Variants in CWC27 observed in about 807,000 individuals in gnomAD.
CWC27 encodes spliceosome-associated protein CWC27 homolog.
Under a neutral mutation model 63.6 loss-of-function variants are expected in CWC27, and 47 were observed. That is an observed-to-expected ratio of 0.74 (90% CI 0.58 to 0.94). CWC27 has a LOEUF of 0.94. CWC27 is among the 40% of genes least tolerant of loss of function. The pLI is 0.00. For missense variants in CWC27, 495 were observed against 554.3 expected (o/e 0.89, Z 1.07); for synonymous variants, 175 against 179.8 (o/e 0.97, Z 0.22).
intron 10 of CWC27, among the ~76,000 whole-genome samples, chr5:64,810,818 T>TAAAA (rs1306008270): frequency 6.6e-6 from 1 of 152,126 alleles, no homozygotes; most frequent in Non-Finnish European, 1.5e-5. Context: ...GATGATATTT[T>TAAAA]GTAGGGTTAC....
chr5:64,885,931 AG>A (rs931284677), intron 11 of CWC27, among the ~76,000 whole-genome samples: 10 of 152,168 alleles, frequency 6.6e-5, no homozygotes, highest in African/African-American at 2.4e-4. Flanking sequence ...AAAGTGCACA[AG>A]GGTGGAATGT....
intron 11 of CWC27, among the ~76,000 whole-genome samples, chr5:64,954,819 G>A (rs1748776604): frequency 6.6e-6 from 1 of 151,718 alleles, no homozygotes; most frequent in Non-Finnish European, 1.5e-5. Context: ...ATAGGTAGAA[G>A]ATAGGAGTAG....
At chr5:64,981,208 A>C (rs1183900735) in intron 13 of CWC27, among the ~76,000 whole-genome samples, 3 of 152,258 alleles carry the variant, frequency 2.0e-5, no homozygotes, top group Non-Finnish European at 4.4e-5. Flanking sequence ...TAATTTATAC[A>C]TATCAATTTA....
chr5:64,931,560 A>G (rs1561160946), intron 11 of CWC27, among the ~76,000 whole-genome samples: 1 of 151,668 alleles, frequency 6.6e-6, no homozygotes. Flanking sequence ...ACTAATCTTA[A>G]TTTTTTTTAC....
At chr5:64,903,792 G>T (rs192862411) in intron 11 of CWC27, among the ~76,000 whole-genome samples, 1 of 152,098 alleles carries the variant, frequency 6.6e-6, no homozygotes, top group Non-Finnish European at 1.5e-5. Flanking sequence ...CCTTTCTGAC[G>T]CCCCTCACAG....
intron 2 of CWC27, among the ~76,000 whole-genome samples, chr5:64,777,311 A>C (rs950029275): frequency 1.5e-4 from 23 of 152,130 alleles, no homozygotes; most frequent in Non-Finnish European, 2.8e-4. Context: ...TAAATATGCT[A>C]TAAGTTAAAA....
intron 11 of CWC27, among the ~76,000 whole-genome samples, chr5:64,891,091 G>A (rs149008772): frequency 3.0e-4 from 45 of 152,274 alleles, no homozygotes; most frequent in African/African-American, 1.0e-3. Context: ...TACTCTGAAT[G>A]TGTATATCTT....
At chr5:64,988,130 T>G (rs1253747174) in intron 13 of CWC27, among the ~76,000 whole-genome samples, 1 of 152,202 alleles carries the variant, frequency 6.6e-6, no homozygotes, top group Non-Finnish European at 1.5e-5. Context: ...TTTTAAATTT[T>G]GATTATTGTA....
At chr5:65,009,114 G>A (rs1220633289) in intron 13 of CWC27, among the ~76,000 whole-genome samples, 1 of 152,184 alleles carries the variant, frequency 6.6e-6, no homozygotes, top group Non-Finnish European at 1.5e-5. Context: ...ATGGTAGAAG[G>A]CAAAGGGGAG....
At chr5:64,937,195 T>A (rs564498291) in intron 11 of CWC27, among the ~76,000 whole-genome samples, 1 of 152,318 alleles carries the variant, frequency 6.6e-6, no homozygotes, top group Non-Finnish European at 1.5e-5. Flanking sequence ...TGTTATGGTG[T>A]CGATTTTAGA....
At position 64,786,969 on chromosome 5, in the gene CWC27, T is replaced by C. The variant is rs187233313; in HGVS notation, c.599+342T>C. On this transcript the variant is annotated intron_variant, in intron 6 of 13. Transcript: ENST00000381070. ...GGGAGGCCTCAGGAAGCTTCAATCG[T>C]GGAGGAAGGCGAAGCAGTCACCTTC... 3.4e-3 allele frequency among the ~76,000 whole-genome samples: 521 copies of C among 152,230 alleles called. 1 individual carries two copies. Among genetic ancestry groups the C allele is most frequent in the Admixed American group, 4.1e-3 (63 of 15,274 alleles).
intron 13 of CWC27, among the ~76,000 whole-genome samples, chr5:64,992,936 A>G (rs1580769742): frequency 6.6e-6 from 1 of 152,188 alleles, no homozygotes; most frequent in East Asian, 1.9e-4. Context: ...AGAGTTCTGA[A>G]ACCAAAACCT....
intron 2 of CWC27, among the ~76,000 whole-genome samples, chr5:64,776,117 GA>G (rs1175800462): frequency 1.2e-4 from 13 of 104,066 alleles, no homozygotes; most frequent in African/African-American, 4.2e-4. Flanking sequence ...GAGAGAGAGA[GA>G]GAGAATGAAA....
chr5:64,874,890 A>G (rs751201464), intron 10 of CWC27, among the ~76,000 whole-genome samples: 1 of 151,742 alleles, frequency 6.6e-6, no homozygotes, highest in African/African-American at 2.4e-5. Flanking sequence ...ATGGAAGTCA[A>G]ATTTGTTTTT....
chr5:64,924,956 GACACACAC>G (rs36083384), intron 11 of CWC27, among the ~76,000 whole-genome samples: 70 of 145,558 alleles, frequency 4.8e-4, no homozygotes, highest in African/African-American at 1.6e-3. Flanking sequence ...GTCTTTCTTA[GACACACAC>G]ACACACACAC....
chr5:64,804,226 C>A lies in CWC27; in HGVS notation c.781-3C>A. The A allele has an allele frequency of 1.3e-6, 2 of 1,587,026 alleles. No individual in the cohort carries two copies. Among genetic ancestry groups the A allele is most frequent in the South Asian group, 1.2e-5 (1 of 86,602 alleles). On this transcript the variant is annotated splice_region_variant and splice_polypyrimidine_tract_variant and intron_variant, in intron 9 of 13. Coordinates refer to ENST00000381070, the MANE Select transcript of CWC27 (RefSeq NM_005869.4). ...GGCAAATACTCATTTTCCATTTCTA[C>A]AGGATGGAGAAGATGAAAGTGCAGA... is the stretch of plus-strand genomic sequence containing the variant.
intron 13 of CWC27, among the ~76,000 whole-genome samples, chr5:65,004,905 T>TATATATATAC (rs1554030581): frequency 3.1e-5 from 2 of 63,548 alleles, no homozygotes; most frequent in Non-Finnish European, 6.2e-5. Flanking sequence ...TATATATATA[T>TATATATATAC]ACATACACAC....
At chr5:64,923,744 A>G (rs995795067) in intron 11 of CWC27, among the ~76,000 whole-genome samples, 1 of 149,348 alleles carries the variant, frequency 6.7e-6, no homozygotes, top group African/African-American at 2.5e-5. Flanking sequence ...ATATTTCCCA[A>G]TTTCATTTTT....
intron 10 of CWC27, among the ~76,000 whole-genome samples, chr5:64,841,156 C>A (rs1277053996): frequency 6.6e-6 from 1 of 152,152 alleles, no homozygotes; most frequent in African/African-American, 2.4e-5. Flanking sequence ...AAGTCCAAGA[C>A]CATGGTGCTG....
Sources: gnomAD v4.1 joint callset for allele counts (sites outside exome capture counted in the v4.1 genomes callset) on GRCh38, gnomAD v4.1.1 for gene constraint, MANE v1.5 for transcripts, NCBI Gene and HGNC (gene_info 2026-07-23, HGNC 2026-07-21) for gene names.